GLI3: variants seen among roughly 807,000 people sequenced by gnomAD.
GLI3 encodes GLI family zinc finger 3.
A neutral mutation model predicts 100.8 loss-of-function variants in GLI3; 20 were observed. The observed-to-expected ratio is 0.20, with a 90% CI of 0.14 to 0.29. GLI3 has a LOEUF of 0.29. Among genes scored for constraint, GLI3 ranks in the 10% least tolerant of loss-of-function variants. The pLI, the probability that GLI3 is intolerant of heterozygous loss-of-function variation, is 1.00. For missense variants in GLI3, 2,040 were observed against 2,128.5 expected, an observed-to-expected ratio of 0.96 and a Z score of 0.82; for synonymous variants, 938 against 860.5, an observed-to-expected ratio of 1.09 and a Z score of -1.58.
intron 10 of GLI3, among the ~76,000 whole-genome samples, chr7:42,012,170 T>C (rs28458974): frequency 0.062 from 9,486 of 152,320 alleles, 422 homozygotes; most frequent in Non-Finnish European, 0.096. Context: ...CCACCATTGT[T>C]TGTGATTATG....
chr7:42,244,113 C>T (rs777154860), intron 1 of GLI3, among the ~76,000 whole-genome samples: 43 of 152,248 alleles, frequency 2.8e-4, no homozygotes, highest in Non-Finnish European at 5.3e-4. Context: ...GGATTACAGG[C>T]GAAAGCCACT....
At chr7:42,109,097 A>G (rs1674848328) in intron 3 of GLI3, among the ~76,000 whole-genome samples, 1 of 152,178 alleles carries the variant, frequency 6.6e-6, no homozygotes, top group Non-Finnish European at 1.5e-5. Flanking sequence ...CGCCACCTAC[A>G]TTAAGTGTAA....
intron 2 of GLI3, among the ~76,000 whole-genome samples, chr7:42,167,120 C>T (rs1225610935): frequency 6.6e-6 from 1 of 152,114 alleles, no homozygotes; most frequent in Non-Finnish European, 1.5e-5. Context: ...AGCCACTGTG[C>T]CTGGCCTGGT....
At chr7:42,124,397 T>C (rs1308033275) in intron 3 of GLI3, among the ~76,000 whole-genome samples, 1 of 152,220 alleles carries the variant, frequency 6.6e-6, no homozygotes, top group Non-Finnish European at 1.5e-5. Flanking sequence ...GTACCAGTTA[T>C]GGTACTCGTT....
intron 2 of GLI3, among the ~76,000 whole-genome samples, chr7:42,209,078 A>G (rs1788212557): frequency 6.6e-6 from 1 of 152,070 alleles, no homozygotes; most frequent in African/African-American, 2.4e-5. Flanking sequence ...TTTTAGAGAC[A>G]GGGTCTCACT....
At chr7:42,182,652 A>G (rs950365535) in intron 2 of GLI3, among the ~76,000 whole-genome samples, 17 of 54,252 alleles carry the variant, frequency 3.1e-4, no homozygotes, top group African/African-American at 1.4e-3. Flanking sequence ...GTGTATATAT[A>G]TATATATATA....
At chr7:42,079,824 A>G (rs183590814) in intron 3 of GLI3, among the ~76,000 whole-genome samples, 32 of 152,320 alleles carry the variant, frequency 2.1e-4, no homozygotes, top group African/African-American at 7.2e-4. Flanking sequence ...TGCAACTATG[A>G]ATTATGACAA....
intron 10 of GLI3, among the ~76,000 whole-genome samples, chr7:42,000,382 A>C (rs1788252506): frequency 6.6e-6 from 1 of 152,204 alleles, no homozygotes; most frequent in African/African-American, 2.4e-5. Flanking sequence ...AAAGCAAACA[A>C]ATTTTTAACA....
intron 10 of GLI3, among the ~76,000 whole-genome samples, chr7:42,001,750 A>G (rs1221583178): frequency 6.6e-6 from 1 of 152,168 alleles, no homozygotes; most frequent in East Asian, 1.9e-4. Context: ...AACATATAAA[A>G]TAATAAGCAA....
intron 3 of GLI3, among the ~76,000 whole-genome samples, chr7:42,088,764 G>A (rs1210867406): frequency 6.6e-6 from 1 of 152,218 alleles, no homozygotes; most frequent in East Asian, 1.9e-4. Flanking sequence ...AACCTATTCA[G>A]CTGGGCTCTG....
chr7:42,024,683 T>C (rs1258355110), intron 9 of GLI3, among the ~76,000 whole-genome samples: 1 of 152,186 alleles, frequency 6.6e-6, no homozygotes, highest in Non-Finnish European at 1.5e-5. Context: ...AGAATTTAAG[T>C]GACTAGAGGC....
At chr7:42,134,359 G>C (rs567721086) in intron 3 of GLI3, among the ~76,000 whole-genome samples, 1 of 152,136 alleles carries the variant, frequency 6.6e-6, no homozygotes, top group Non-Finnish European at 1.5e-5. Context: ...AAAGCTGAAC[G>C]ATTCATGTCC....
rs1370499111 is a variant in GLI3, at chr7:42,094,564, C to T, written c.368-17707G>A. Among the ~76,000 whole-genome samples, 5 of 151,680 alleles carry T rather than the reference C, an allele frequency of 3.3e-5. 1 individual carries two copies. The highest frequency in any genetic ancestry group is 4.8e-5 in the African/African-American group (2 of 41,264). ...CAGCCTGGCCAACATGTCGAAACCC[C>T]ATCTCTACTAAAAATACAAAAAAAT... On this transcript the variant is annotated intron_variant, in intron 3 of 14. Transcript: ENST00000395925.
intron 1 of GLI3, among the ~76,000 whole-genome samples, chr7:42,235,296 A>T (rs1335127559): frequency 6.6e-6 from 1 of 152,230 alleles, no homozygotes; most frequent in Non-Finnish European, 1.5e-5. Flanking sequence ...TTAATACTTT[A>T]GGTCAATTCT....
intron 1 of GLI3, among the ~76,000 whole-genome samples, chr7:42,229,788 T>G (rs907464990): frequency 1.3e-5 from 2 of 152,206 alleles, no homozygotes; most frequent in Admixed American, 1.3e-4. Context: ...TTTTTCAGAA[T>G]CAAGAAGTAC....
intron 3 of GLI3, among the ~76,000 whole-genome samples, chr7:42,091,907 C>T (rs931052781): frequency 2.0e-5 from 3 of 152,208 alleles, no homozygotes; most frequent in African/African-American, 4.8e-5. Context: ...TACCTTCTAC[C>T]GCAGAGTCAA....
At chr7:41,992,102 C>T (rs1156400972) in intron 10 of GLI3, among the ~76,000 whole-genome samples, 1 of 152,190 alleles carries the variant, frequency 6.6e-6, no homozygotes, top group African/African-American at 2.4e-5. Context: ...TAAAAGGTAA[C>T]TCTGGCAGCA....
rs1034262625 is a variant in GLI3, at chr7:41,966,949, C to G, written c.2432-308G>C. ...TTAAACAAAACAATAACAACTCCCT[C>G]GATTCACTGAAGCCCCTCCCCAAGC... is the stretch of plus-strand genomic sequence containing the variant. On this transcript the variant is annotated intron_variant, in intron 14 of 14. Coordinates refer to ENST00000395925, the MANE Select transcript of GLI3 (RefSeq NM_000168.6). The surrounding 1 kb of genome is among the most constrained non-coding windows in gnomAD (Gnocchi z 5.8). 6.6e-6 allele frequency among the ~76,000 whole-genome samples: 1 copy of G among 152,168 alleles called. No homozygotes were observed. Among genetic ancestry groups the G allele is most frequent in the Non-Finnish European group, 1.5e-5 (1 of 68,024 alleles).
chr7:42,172,886 C>G (rs552465054), intron 2 of GLI3, among the ~76,000 whole-genome samples: 33 of 152,210 alleles, frequency 2.2e-4, no homozygotes, highest in Non-Finnish European at 4.3e-4. Context: ...CCACATTTTA[C>G]AATTATGAAA....
Sources: gnomAD v4.1 joint callset for allele counts (sites outside exome capture counted in the v4.1 genomes callset) on GRCh38, gnomAD v4.1.1 for gene constraint, Gnocchi (gnomAD v3.1) non-coding constraint, MANE v1.5 for transcripts, NCBI Gene and HGNC (gene_info 2026-07-23, HGNC 2026-07-21) for gene names.